COL19A1: variants seen among roughly 807,000 people sequenced by gnomAD.
The protein encoded by COL19A1 is collagen alpha-1(XIX) chain.
In COL19A1, 159 loss-of-function variants were observed where a neutral mutation model predicts 190.2. That is an observed-to-expected ratio of 0.84 (90% CI 0.73 to 0.95). COL19A1 has a LOEUF of 0.95. Ranked by LOEUF, COL19A1 falls within the 40% of genes least tolerant of loss-of-function variation. COL19A1 has a pLI of 0.00. For synonymous variants in COL19A1, 509 were observed against 458.9 expected (o/e 1.11, Z -1.39); for missense variants, 1,418 against 1,431.9 (o/e 0.99, Z 0.16).
chr6:70,050,057 G>T (rs538085180), intron 14 of COL19A1, among the ~76,000 whole-genome samples: 1 of 152,120 alleles, frequency 6.6e-6, no homozygotes, highest in Non-Finnish European at 1.5e-5. Context: ...AAGGGACCAG[G>T]CTACCTGAGT....
At chr6:70,079,666 C>G (rs1047469020) in intron 15 of COL19A1, among the ~76,000 whole-genome samples, 13 of 152,148 alleles carry the variant, frequency 8.5e-5, no homozygotes, top group African/African-American at 2.7e-4. Flanking sequence ...CATTGGTGAT[C>G]TTGAAGGAAG....
intron 9 of COL19A1, among the ~76,000 whole-genome samples, chr6:69,938,369 G>C (rs1051163191): frequency 2.0e-5 from 3 of 152,190 alleles, no homozygotes; most frequent in African/African-American, 7.2e-5. Context: ...CTGTGAAGCA[G>C]AAAAGTCTAT....
At chr6:69,889,195 G>A (rs996440055) in intron 2 of COL19A1, among the ~76,000 whole-genome samples, 3 of 152,174 alleles carry the variant, frequency 2.0e-5, no homozygotes, top group Non-Finnish European at 2.9e-5. Flanking sequence ...TTTTCTTAAC[G>A]TATGTTGGAG....
intron 13 of COL19A1, among the ~76,000 whole-genome samples, chr6:70,034,615 G>A (rs989890330): frequency 6.6e-6 from 1 of 152,156 alleles, no homozygotes; most frequent in African/African-American, 2.4e-5. Flanking sequence ...CAATAACACT[G>A]AGCTGCTGCC....
rs144386157 is a variant in COL19A1 at position 69,980,421 on chromosome 6, G to A, written c.1026+17551G>A. Among the ~76,000 whole-genome samples the A allele has an allele frequency of 3.5e-3, 528 of 152,066 alleles. 3 individuals carry two copies. The highest frequency in any genetic ancestry group is 0.012 in the African/African-American group (505 of 41,532). ...TAAAAATAAATGCCAGATAGATGAA[G>A]GACTTATATAAAAATCAAAACAAAG... On this transcript the variant is annotated intron_variant, in intron 11 of 50. Transcript: ENST00000620364.
chr6:70,049,444 A>ATTTATGTT, intron 14 of COL19A1, among the ~76,000 whole-genome samples: 1 of 152,122 alleles, frequency 6.6e-6, no homozygotes, highest in South Asian at 2.1e-4. Flanking sequence ...CCCTGGAAAT[A>ATTTATGTT]TTTATGTTTT....
At chr6:70,177,820 T>C (rs376223355) in intron 42 of COL19A1, among the ~76,000 whole-genome samples, 26 of 152,324 alleles carry the variant, frequency 1.7e-4, no homozygotes, top group African/African-American at 6.0e-4. Context: ...TAAAATAAAG[T>C]CTAGTTTTTT....
intron 11 of COL19A1, 88 bp from the exon 12 acceptor site, chr6:70,023,539 A>C (rs1778557195): frequency 1.9e-6 from 2 of 1,077,050 alleles, no homozygotes; most frequent in African/African-American, 3.3e-5. Flanking sequence ...TCATATTGTT[A>C]TAAATACCCA....
chr6:70,075,011 C>T (rs558827142), intron 15 of COL19A1, among the ~76,000 whole-genome samples: 2 of 152,104 alleles, frequency 1.3e-5, no homozygotes, highest in East Asian at 1.9e-4. Context: ...AAAAATAACA[C>T]GTTAAATGTT....
At chr6:70,069,031 C>G (rs936789866) in intron 15 of COL19A1, among the ~76,000 whole-genome samples, 1 of 152,094 alleles carries the variant, frequency 6.6e-6, no homozygotes, top group Non-Finnish European at 1.5e-5. Flanking sequence ...AGTGTTATGA[C>G]AACTGGTCAG....
intron 4 of COL19A1, among the ~76,000 whole-genome samples, chr6:69,909,287 G>A (rs969854752): frequency 2.6e-5 from 4 of 152,124 alleles, no homozygotes; most frequent in Non-Finnish European, 4.4e-5. Context: ...TTAGTAAAGA[G>A]TTTGCAGAAA....
chr6:70,131,900 T>G (rs1168448875), intron 18 of COL19A1, among the ~76,000 whole-genome samples: 1 of 151,964 alleles, frequency 6.6e-6, no homozygotes, highest in East Asian at 1.9e-4. Flanking sequence ...CTAAGGACCT[T>G]TTCTATTGCT....
At chr6:70,151,635 C>G (rs1010412899) in intron 31 of COL19A1, among the ~76,000 whole-genome samples, 197 bp downstream of exon 31, 1 of 152,108 alleles carries the variant, frequency 6.6e-6, no homozygotes, top group African/African-American at 2.4e-5. Flanking sequence ...TCACTCTCTT[C>G]TTCTTTACCA....
At chr6:69,917,517 C>T (rs780160951) in intron 4 of COL19A1, among the ~76,000 whole-genome samples, 1 of 152,128 alleles carries the variant, frequency 6.6e-6, no homozygotes, top group Non-Finnish European at 1.5e-5. Context: ...CTTACAGGAC[C>T]CTGTTTTTGT....
chr6:70,121,823 A>T (rs1287437248), intron 16 of COL19A1, 57 bp from the exon 17 acceptor site: 1 of 1,077,520 alleles, frequency 9.3e-7, no homozygotes, highest in Non-Finnish European at 1.4e-6. Context: ...TGTTATTTAA[A>T]TATTCATTGT....
chr6:70,073,426 TG>T (rs1369981896), intron 15 of COL19A1, among the ~76,000 whole-genome samples: 2 of 152,194 alleles, frequency 1.3e-5, no homozygotes, highest in Non-Finnish European at 2.9e-5. Context: ...AGGGCTGTGA[TG>T]AGGAGTAATG....
chr6:69,875,127 A>G lies in COL19A1; in HGVS notation c.-32-4409A>G, dbSNP rs1343293263. On this transcript the variant is annotated intron_variant, in intron 1 of 50. Transcript: ENST00000620364. ...AGACCAATGTGCTTCTTGGTCAGGTAAGGGCTTTTGCGCATAGTAACATTT... is the reference window on the plus strand; with the variant it reads ...AGACCAATGTGCTTCTTGGTCAGGTGAGGGCTTTTGCGCATAGTAACATTT... Among the ~76,000 whole-genome samples the G allele has an allele frequency of 2.6e-5, 4 of 152,364 alleles. No homozygotes were observed. In the East Asian group the frequency reaches 7.7e-4, roughly 29 times the overall value.
intron 11 of COL19A1, chr6:69,973,701 CTG>C (rs1673793730): frequency 6.6e-6 from 1 of 152,128 alleles, no homozygotes; most frequent in African/African-American, 2.4e-5. Flanking sequence ...TAATTTCTAA[CTG>C]TTTTTAGTAA....
chr6:69,985,424 A>G (rs1776260684), intron 11 of COL19A1, among the ~76,000 whole-genome samples: 1 of 152,142 alleles, frequency 6.6e-6, no homozygotes, highest in African/African-American at 2.4e-5. Flanking sequence ...ACATTAGCAA[A>G]GGGGGTGAAG....
Sources: allele counts gnomAD v4.1 joint callset (sites outside exome capture counted in the v4.1 genomes callset), GRCh38; gene constraint gnomAD v4.1.1; transcripts MANE v1.5; gene names NCBI Gene and HGNC (gene_info 2026-07-23, HGNC 2026-07-21).